The following PDE10A variants were observed in gnomAD, a reference collection of about 807,000 sequenced individuals.
PDE10A encodes the protein phosphodiesterase 10A.
In PDE10A, 39 loss-of-function variants were observed where a neutral mutation model predicts 97.7. That is an observed-to-expected ratio of 0.40 (90% CI 0.31 to 0.52). The LOEUF (loss-of-function observed/expected upper bound fraction) is 0.52. PDE10A is among the 20% of genes least tolerant of loss of function. PDE10A has a pLI of 0.56. For missense variants in PDE10A, 731 were observed against 1,047.8 expected, an observed-to-expected ratio of 0.70 and a Z score of 4.17; for synonymous variants, 371 against 376.8, an observed-to-expected ratio of 0.98 and a Z score of 0.18.
rs1235766814 is a variant in PDE10A at position 165,388,971 on chromosome 6, A to C, written c.2455-518T>G. On this transcript the variant is annotated intron_variant, in intron 16 of 21. Transcript: ENST00000539869. This position sits in a 1 kb window ranked among gnomAD's most constrained non-coding sequence, Gnocchi z 4.0. The stretch of plus-strand genomic sequence containing the variant: ...ATTAGAGAAAGTCAGGCTGAGTATG[A>C]AATAAACTAGGCAGGCACACCTCAT... Among the ~76,000 whole-genome samples, 1 of 152,224 alleles carries C rather than the reference A, an allele frequency of 6.6e-6. No homozygotes were observed. The highest frequency in any genetic ancestry group is 2.4e-5 in the African/African-American group (1 of 41,462).
intron 1 of PDE10A, among the ~76,000 whole-genome samples, chr6:165,561,087 C>T (rs1188895593): frequency 4.0e-5 from 6 of 151,842 alleles, no homozygotes; most frequent in Admixed American, 2.6e-4. Context: ...GGCGTGGTGG[C>T]GGGCACCTGT....
intron 1 of PDE10A, among the ~76,000 whole-genome samples, chr6:165,929,382 C>G (rs1391768531): frequency 6.6e-6 from 1 of 152,150 alleles, no homozygotes; most frequent in African/African-American, 2.4e-5. Flanking sequence ...GAGTGGATAC[C>G]TAGGCAGGGA....
At chr6:165,720,379 G>T (rs1365513951) in intron 1 of PDE10A, among the ~76,000 whole-genome samples, 8 of 152,164 alleles carry the variant, frequency 5.3e-5, no homozygotes. Flanking sequence ...AAAGGCAGAA[G>T]CAACCCCAGG....
At position 165,327,882 on chromosome 6, in the gene PDE10A, G is replaced by C. The variant is rs181180762; in HGVS notation, c.*5143C>G. 222 of 152,330 alleles carry C rather than the reference G, an allele frequency of 1.5e-3. 1 individual carries two copies. The highest frequency in any genetic ancestry group is 5.0e-3 in the African/African-American group (207 of 41,554). The allele number at this position is 152,330 out of a possible 1,614,324, so 9.4% of individuals were successfully genotyped here. A position where few individuals can be genotyped will look rare whatever the true frequency, so the allele number is the denominator to read the frequency against. Reference sequence around the variant, plus strand: ...TTGTATTTGTGATGGCATATAACCTGTGTTACTCTCCAGTAGTTTTTGGTC... The same window carrying C: ...TTGTATTTGTGATGGCATATAACCTCTGTTACTCTCCAGTAGTTTTTGGTC... On this transcript the variant is annotated 3_prime_UTR_variant, in exon 22 of 22. Transcript: ENST00000539869.
intron 1 of PDE10A, among the ~76,000 whole-genome samples, chr6:165,849,912 C>T (rs148284940): frequency 6.0e-4 from 91 of 152,346 alleles, no homozygotes; most frequent in African/African-American, 1.8e-3. Flanking sequence ...AGCCCACGTA[C>T]TTTCTGGGTA....
At position 165,858,647 on chromosome 6, in the gene PDE10A, C is replaced by A. The variant is rs182698966; in HGVS notation, c.-615+128882G>T. On this transcript the variant is annotated intron_variant, in intron 1 of 19. Coordinates refer to the PDE10A transcript ENST00000366882. ...AGACTTCTGGGACAATCCTGAGCAA[C>A]TGCTCACAACAGGAAATACATTCTC... Among the ~76,000 whole-genome samples, 10 of 152,336 alleles carry A rather than the reference C, an allele frequency of 6.6e-5. No homozygotes were observed. The East Asian group carries it at 1.9e-3, about 29-fold the overall frequency.
intron 1 of PDE10A, among the ~76,000 whole-genome samples, chr6:165,623,957 G>A (rs1405118887): frequency 1.3e-5 from 2 of 152,228 alleles, no homozygotes; most frequent in Non-Finnish European, 2.9e-5. Flanking sequence ...TCTCCATGAG[G>A]ATTTCCTGCT....
At chr6:165,977,294 T>C (rs1784878666) in intron 1 of PDE10A, among the ~76,000 whole-genome samples, 1 of 152,208 alleles carries the variant, frequency 6.6e-6, no homozygotes, top group South Asian at 2.1e-4. Context: ...TTACGGACTT[T>C]CCTAGGCAGA....
chr6:165,617,007 C>A (rs748162430), intron 1 of PDE10A, among the ~76,000 whole-genome samples: 2 of 152,266 alleles, frequency 1.3e-5, no homozygotes, highest in South Asian at 2.1e-4. Flanking sequence ...TATGGGAAAA[C>A]CTTTGAGAAA....
intron 1 of PDE10A, among the ~76,000 whole-genome samples, chr6:165,737,835 T>C (rs527844860): frequency 1.3e-5 from 2 of 152,148 alleles, no homozygotes; most frequent in Admixed American, 1.3e-4. Context: ...ATACAAGGCA[T>C]GCAAATTGAA....
intron 1 of PDE10A, among the ~76,000 whole-genome samples, chr6:165,733,558 C>T (rs914603595): frequency 3.3e-5 from 5 of 152,176 alleles, no homozygotes; most frequent in Non-Finnish European, 5.9e-5. Flanking sequence ...ATAAAAAGCA[C>T]AGTAGAAGAA....
intron 1 of PDE10A, among the ~76,000 whole-genome samples, chr6:165,793,451 C>T (rs1334855751): frequency 6.6e-6 from 1 of 152,032 alleles, no homozygotes; most frequent in Non-Finnish European, 1.5e-5. Flanking sequence ...GGAGAGCCTG[C>T]GAGTCCTCTC....
intron 1 of PDE10A, among the ~76,000 whole-genome samples, chr6:165,895,757 A>C (rs2457984): frequency 4.0e-5 from 6 of 151,894 alleles, no homozygotes; most frequent in African/African-American, 1.4e-4. Flanking sequence ...CCTGTTCCCA[A>C]GGGGCACTAG....
chr6:165,333,094 T>C lies in PDE10A; in HGVS notation c.3099A>G (p.Arg1033=), dbSNP rs966539732. Residue 1033 remains arginine (R), a synonymous_variant, in exon 22 of 22, where the codon CGA becomes CGG. Coordinates refer to ENST00000539869, the MANE Select transcript of PDE10A (RefSeq NM_001385079.1). ...AAATCCAGGTTGCAGTCTCCTCCCC[T>C]CGAATCACCTTCTCCCACTGACTGA... ...DNLSQWEKVI[R]GEETATWISS... is the part of the protein sequence containing the mutation. 1.9e-6 allele frequency: 3 copies of C among 1,611,022 alleles called. No homozygotes were observed. The highest frequency in any genetic ancestry group is 2.5e-6 in the Non-Finnish European group (3 of 1,177,318).
chr6:165,930,946 G>A (rs940486789), intron 1 of PDE10A, among the ~76,000 whole-genome samples: 7 of 152,212 alleles, frequency 4.6e-5, no homozygotes, highest in East Asian at 1.9e-4. Flanking sequence ...TGAGGGAACC[G>A]CAAGGAGAAC....
chr6:165,739,801 G>C (rs900010499), intron 1 of PDE10A, among the ~76,000 whole-genome samples: 1 of 152,152 alleles, frequency 6.6e-6, no homozygotes, highest in African/African-American at 2.4e-5. Flanking sequence ...CTTAAAAATA[G>C]GCAAAGAATC....
At chr6:165,451,093 C>T (rs1343141098) in intron 3 of PDE10A, among the ~76,000 whole-genome samples, 1 of 152,190 alleles carries the variant, frequency 6.6e-6, no homozygotes, top group East Asian at 1.9e-4. Context: ...GCCACTCTAA[C>T]TTTCCATTCC....
At chr6:165,871,716 C>T (rs1010561257) in intron 1 of PDE10A, among the ~76,000 whole-genome samples, 7 of 152,090 alleles carry the variant, frequency 4.6e-5, no homozygotes, top group African/African-American at 1.7e-4. Context: ...AGGAAGAGCA[C>T]CCAAAGGCAG....
intron 9 of PDE10A, among the ~76,000 whole-genome samples, chr6:165,430,077 C>CAT (rs1398733623): frequency 2.0e-5 from 3 of 152,044 alleles, no homozygotes; most frequent in Admixed American, 6.6e-5. Context: ...AACATCATCA[C>CAT]ATATATATCT....
Sources: gnomAD v4.1 joint callset for allele counts (sites outside exome capture counted in the v4.1 genomes callset) on GRCh38, gnomAD v4.1.1 for gene constraint, Gnocchi (gnomAD v3.1) non-coding constraint, MANE v1.5 for transcripts, NCBI Gene and HGNC (gene_info 2026-07-23, HGNC 2026-07-21) for gene names.